The following DPP10 variants were observed in gnomAD, a reference collection of about 807,000 sequenced individuals.
DPP10 encodes the protein inactive dipeptidyl peptidase 10.
In DPP10, 33 loss-of-function variants were observed where a neutral mutation model predicts 120.9. The ratio of observed to expected loss-of-function variants is 0.27; its 90% CI spans 0.21 to 0.37. DPP10 has a LOEUF of 0.37. Among genes scored for constraint, DPP10 ranks in the 10% least tolerant of loss-of-function variants. The pLI is 1.00. For synonymous variants in DPP10, 337 were observed against 326.1 expected, an observed-to-expected ratio of 1.03 and a Z score of -0.36; for missense variants, 816 against 942.8, an observed-to-expected ratio of 0.87 and a Z score of 1.76.
chr2:114,592,898 A>T (rs939413430), intron 1 of DPP10, among the ~76,000 whole-genome samples: 1 of 152,178 alleles, frequency 6.6e-6, no homozygotes, highest in Admixed American at 6.5e-5. Flanking sequence ...TCATGTTCAT[A>T]ACTGGTATAT....
At chr2:114,689,542 A>G (rs555187014) in intron 1 of DPP10, among the ~76,000 whole-genome samples, 1 of 152,200 alleles carries the variant, frequency 6.6e-6, no homozygotes, top group South Asian at 2.1e-4. Context: ...TGCAATGAAC[A>G]TATGTGTACA....
chr2:115,764,770 T>A (rs1047058118), intron 12 of DPP10, among the ~76,000 whole-genome samples: 1 of 152,178 alleles, frequency 6.6e-6, no homozygotes, highest in Non-Finnish European at 1.5e-5. Context: ...TTTCTTCAGA[T>A]GCTCTAAGGG....
At chr2:115,663,081 T>A (rs1031461773) in intron 5 of DPP10, among the ~76,000 whole-genome samples, 20 of 152,276 alleles carry the variant, frequency 1.3e-4, no homozygotes, top group Non-Finnish European at 2.5e-4. Flanking sequence ...AAGCATGCGG[T>A]GTGAAATAAG....
chr2:115,158,151 T>C (rs1407318465), intron 1 of DPP10, among the ~76,000 whole-genome samples: 2 of 152,346 alleles, frequency 1.3e-5, no homozygotes, highest in South Asian at 4.1e-4. Flanking sequence ...GTCCTTTGTC[T>C]GCTATTTGAG....
At chr2:115,776,713 T>A (rs772505331) in intron 13 of DPP10, among the ~76,000 whole-genome samples, 1 of 152,144 alleles carries the variant, frequency 6.6e-6, no homozygotes, top group Non-Finnish European at 1.5e-5. Flanking sequence ...TTGGAAGCAT[T>A]GATTAAGCTA....
At chr2:115,468,813 C>A in intron 3 of DPP10, 1 of 454,398 alleles carries the variant, frequency 2.2e-6, no homozygotes, top group Non-Finnish European at 4.3e-6. Context: ...GTGCAGGTGC[C>A]CTCTGTGCTT....
chr2:114,985,411 T>C (rs1003937821), intron 1 of DPP10, among the ~76,000 whole-genome samples: 2 of 152,230 alleles, frequency 1.3e-5, no homozygotes, highest in African/African-American at 2.4e-5. Flanking sequence ...CAGTCTAAAT[T>C]ATCTTGCGTA....
At chr2:114,922,341 T>C (rs992594731) in intron 1 of DPP10, among the ~76,000 whole-genome samples, 2 of 152,200 alleles carry the variant, frequency 1.3e-5, no homozygotes, top group Admixed American at 6.5e-5. Context: ...TTGAGACAGT[T>C]TCACTCTGTC....
chr2:114,887,405 A>G (rs1411385302), intron 1 of DPP10, among the ~76,000 whole-genome samples: 1 of 152,216 alleles, frequency 6.6e-6, no homozygotes, highest in Non-Finnish European at 1.5e-5. Context: ...TTCCCAAAAC[A>G]TCCTTTGGCT....
chr2:115,276,732 AT>A (rs2059935714), intron 1 of DPP10, among the ~76,000 whole-genome samples: 1 of 152,210 alleles, frequency 6.6e-6, no homozygotes, highest in Non-Finnish European at 1.5e-5. Flanking sequence ...AGTATGAGAG[AT>A]TTTGGCAAGA....
intron 1 of DPP10, among the ~76,000 whole-genome samples, chr2:115,281,152 A>G (rs894786644): frequency 6.6e-6 from 1 of 152,188 alleles, no homozygotes; most frequent in Non-Finnish European, 1.5e-5. Flanking sequence ...TCACTCTAGG[A>G]TAAAGTGGAG....
intron 1 of DPP10, among the ~76,000 whole-genome samples, chr2:115,001,687 A>G (rs1372562187): frequency 6.6e-6 from 1 of 152,172 alleles, no homozygotes; most frequent in Non-Finnish European, 1.5e-5. Context: ...AAACAACTTC[A>G]AAAAATTTTT....
intron 3 of DPP10, among the ~76,000 whole-genome samples, chr2:115,430,383 T>G (rs554143384): frequency 6.6e-6 from 1 of 152,306 alleles, no homozygotes; most frequent in South Asian, 2.1e-4. Context: ...TGTAACATTA[T>G]GAAGCACAGA....
intron 1 of DPP10, among the ~76,000 whole-genome samples, chr2:114,811,731 A>G (rs1217498674): frequency 6.6e-6 from 1 of 151,730 alleles, no homozygotes; most frequent in East Asian, 1.9e-4. Flanking sequence ...CCTCCTGCTC[A>G]CCTTCACGTT....
At chr2:114,764,951 G>T (rs1281424851) in intron 1 of DPP10, among the ~76,000 whole-genome samples, 1 of 152,094 alleles carries the variant, frequency 6.6e-6, no homozygotes, top group African/African-American at 2.4e-5. Flanking sequence ...ATTGTAATAT[G>T]CCACATATTA....
intron 1 of DPP10, among the ~76,000 whole-genome samples, chr2:114,863,124 T>G (rs1338283585): frequency 2.0e-5 from 3 of 152,124 alleles, no homozygotes; most frequent in Non-Finnish European, 1.5e-5. Context: ...TTTTTCTTGA[T>G]TTTCTAGGTT....
intron 1 of DPP10, among the ~76,000 whole-genome samples, chr2:114,883,709 A>G (rs1422224065): frequency 6.6e-6 from 1 of 152,202 alleles, no homozygotes; most frequent in Non-Finnish European, 1.5e-5. Context: ...TGAACACTGA[A>G]TGATGCCTTA....
intron 1 of DPP10, among the ~76,000 whole-genome samples, chr2:114,580,009 T>C (rs1455625135): frequency 6.6e-6 from 1 of 152,198 alleles, no homozygotes; most frequent in Non-Finnish European, 1.5e-5. Flanking sequence ...ATGACAAAAC[T>C]GACCAAATTC....
chr2:115,733,917 C>A (rs886494533), intron 8 of DPP10, among the ~76,000 whole-genome samples: 4 of 152,162 alleles, frequency 2.6e-5, no homozygotes, highest in Non-Finnish European at 5.9e-5. Context: ...AAAATAAATT[C>A]TTTGTAAATA....
Sources: gnomAD v4.1 joint callset for allele counts (sites outside exome capture counted in the v4.1 genomes callset) on GRCh38, gnomAD v4.1.1 for gene constraint, MANE v1.5 for transcripts, NCBI Gene and HGNC (gene_info 2026-07-23, HGNC 2026-07-21) for gene names.